Variants in SCAPER observed in about 807,000 individuals in gnomAD.
The protein encoded by SCAPER is S phase cyclin A-associated protein in the endoplasmic reticulum.
In SCAPER, 98 loss-of-function variants were observed where a neutral mutation model predicts 182.2. That is an observed-to-expected ratio of 0.54 (90% CI 0.46 to 0.64). The LOEUF (loss-of-function observed/expected upper bound fraction) is 0.64, where lower values mean the gene tolerates loss of function less well. Among genes scored for constraint, SCAPER ranks in the 30% least tolerant of loss-of-function variants. SCAPER has a pLI of 0.00. For missense variants in SCAPER, 1,432 were observed against 1,690.0 expected (o/e 0.85, Z 2.68); for synonymous variants, 605 against 564.6 (o/e 1.07, Z -1.01).
chr15:76,862,369 C>A, intron 3 of SCAPER, 47 bp downstream of exon 3: 1 of 1,218,872 alleles, frequency 8.2e-7, no homozygotes, highest in Non-Finnish European at 1.2e-6. Context: ...ACTAAATACA[C>A]CCTCCTTATT....
At chr15:76,838,025 T>C (rs2069107333) in intron 5 of SCAPER, among the ~76,000 whole-genome samples, 1 of 152,158 alleles carries the variant, frequency 6.6e-6, no homozygotes, top group African/African-American at 2.4e-5. Flanking sequence ...AGAACTACCA[T>C]TTGACCCAGC....
intron 24 of SCAPER, among the ~76,000 whole-genome samples, chr15:76,477,415 G>A (rs1242849437): frequency 6.6e-6 from 1 of 152,166 alleles, no homozygotes; most frequent in Non-Finnish European, 1.5e-5. Flanking sequence ...CAATGGTTGA[G>A]ATGCTGTGCA....
chr15:76,892,418 T>C (rs2074215569), intron 1 of SCAPER, among the ~76,000 whole-genome samples: 1 of 152,184 alleles, frequency 6.6e-6, no homozygotes, highest in Non-Finnish European at 1.5e-5. Context: ...TTTTGCAATC[T>C]ACCCATCTGA....
chr15:76,590,376 G>A, intron 22 of SCAPER, among the ~76,000 whole-genome samples: 1 of 152,130 alleles, frequency 6.6e-6, no homozygotes. Flanking sequence ...CCTATTTAAG[G>A]GAAAGAGAAT....
At chr15:76,587,503 G>T (rs145265547) in intron 22 of SCAPER, among the ~76,000 whole-genome samples, 214 of 152,236 alleles carry the variant, frequency 1.4e-3, no homozygotes, top group African/African-American at 4.8e-3. Flanking sequence ...TCAGTTCAAA[G>T]AATATTTAAA....
chr15:76,464,860 A>C (rs2049474968), intron 25 of SCAPER, among the ~76,000 whole-genome samples: 2 of 152,184 alleles, frequency 1.3e-5, no homozygotes, highest in Non-Finnish European at 2.9e-5. Flanking sequence ...AAAAGTGCAC[A>C]ACATTTCCAA....
intron 29 of SCAPER, among the ~76,000 whole-genome samples, chr15:76,360,286 T>C (rs1317778867): frequency 4.6e-5 from 7 of 152,218 alleles, no homozygotes; most frequent in Non-Finnish European, 1.0e-4. Flanking sequence ...CTCAGTAGGC[T>C]ATAAAGCCCC....
At chr15:76,834,761 T>G (rs2068788410) in intron 5 of SCAPER, among the ~76,000 whole-genome samples, 2 of 152,096 alleles carry the variant, frequency 1.3e-5, no homozygotes, top group African/African-American at 4.8e-5. Context: ...CCTCAGAGAC[T>G]ATTAGAGACA....
intron 1 of SCAPER, among the ~76,000 whole-genome samples, chr15:76,898,963 G>A (rs1047708603): frequency 9.2e-5 from 14 of 152,284 alleles, no homozygotes; most frequent in African/African-American, 2.6e-4. Context: ...AGCAAGCTAT[G>A]TCCTAATCCA....
chr15:76,886,564 T>G (rs1232354126), intron 1 of SCAPER, among the ~76,000 whole-genome samples: 1 of 151,932 alleles, frequency 6.6e-6, no homozygotes, highest in African/African-American at 2.4e-5. Context: ...TTGGTGGGAG[T>G]GTAAATGAAG....
chr15:76,413,793 T>C (rs2045466105), intron 26 of SCAPER, among the ~76,000 whole-genome samples: 1 of 152,206 alleles, frequency 6.6e-6, no homozygotes, highest in South Asian at 2.1e-4. Flanking sequence ...CCCTGTGTTG[T>C]TTCCGTGGGA....
chr15:76,504,335 G>T (rs757706701), intron 24 of SCAPER, among the ~76,000 whole-genome samples: 1 of 152,094 alleles, frequency 6.6e-6, no homozygotes, highest in South Asian at 2.1e-4. Context: ...GGGACTAAAG[G>T]GGGACTTAAG....
rs113260824 is a variant in SCAPER at position 76,368,894 on chromosome 15, T to C, written c.3855+7268A>G. On this transcript the variant is annotated intron_variant, in intron 29 of 31. Transcript: ENST00000563290. ...TACAAAATGTAAATAAAGTGAGGGG[T>C]TGACAGCACATACTAATTATGTTCA... is the stretch of plus-strand genomic sequence containing the variant. Among the ~76,000 whole-genome samples the C allele has an allele frequency of 7.0e-3, 1,063 of 152,140 alleles. 15 individuals carry two copies. The highest frequency in any genetic ancestry group is 0.025 in the African/African-American group (1,019 of 41,494).
chr15:76,586,160 T>C lies in SCAPER; in HGVS notation c.2712-11876A>G, dbSNP rs373957468. 1.5e-4 allele frequency among the ~76,000 whole-genome samples: 23 copies of C among 152,312 alleles called. 1 individual carries two copies. In the South Asian group the frequency reaches 4.6e-3, roughly 30 times the overall value. On this transcript the variant is annotated intron_variant, in intron 22 of 31. Coordinates refer to ENST00000563290, the MANE Select transcript of SCAPER (RefSeq NM_020843.4). The stretch of plus-strand genomic sequence containing the variant: ...TATCTCTCCCAGAATTCCTAACTTT[T>C]ATCATAGTTAAGTTTGCATGGGGTG...
At chr15:76,646,600 C>T (rs2054569212) in intron 21 of SCAPER, among the ~76,000 whole-genome samples, 1 of 152,146 alleles carries the variant, frequency 6.6e-6, no homozygotes. Flanking sequence ...ACTTTATTGC[C>T]TATCTTGCTT....
intron 5 of SCAPER, among the ~76,000 whole-genome samples, chr15:76,818,794 C>T (rs1428127196): frequency 1.3e-5 from 2 of 152,260 alleles, no homozygotes; most frequent in Non-Finnish European, 2.9e-5. Context: ...CAAGGCATTG[C>T]CTCACCAGGG....
chr15:76,631,659 T>C (rs2053122201), intron 21 of SCAPER, among the ~76,000 whole-genome samples: 1 of 152,238 alleles, frequency 6.6e-6, no homozygotes, highest in African/African-American at 2.4e-5. Flanking sequence ...TGTCTGCTGT[T>C]AGTCTGATGG....
At chr15:76,760,277 TCTC>T (rs1411027865) in intron 14 of SCAPER, among the ~76,000 whole-genome samples, 17 of 152,296 alleles carry the variant, frequency 1.1e-4, no homozygotes, top group Admixed American at 2.6e-4. Flanking sequence ...CTCACAACTG[TCTC>T]CTCAAGTTTG....
chr15:76,572,925 A>T (rs1455236085), intron 23 of SCAPER, among the ~76,000 whole-genome samples: 3 of 150,900 alleles, frequency 2.0e-5, no homozygotes, highest in African/African-American at 7.4e-5. Context: ...TCTCTCACAC[A>T]CACACACACA....
Sources: gnomAD v4.1 joint callset for allele counts (sites outside exome capture counted in the v4.1 genomes callset) on GRCh38, gnomAD v4.1.1 for gene constraint, MANE v1.5 for transcripts, NCBI Gene and HGNC (gene_info 2026-07-23, HGNC 2026-07-21) for gene names.